Variants in RAB3IP observed in about 807,000 individuals in gnomAD.
The protein encoded by RAB3IP is RAB3A interacting protein.
RAB3IP carries 36 observed loss-of-function variants against 59.1 expected under a neutral mutation model. That is an observed-to-expected ratio of 0.61 (90% CI 0.47 to 0.80). RAB3IP has a LOEUF of 0.80. Ranked by LOEUF, RAB3IP falls within the 30% of genes least tolerant of loss-of-function variation. RAB3IP has a pLI of 0.00. For synonymous variants in RAB3IP, 207 were observed against 191.2 expected (o/e 1.08, Z -0.68); for missense variants, 511 against 536.0 (o/e 0.95, Z 0.46).
At chr12:69,740,742 C>T (rs1005537422) in intron 1 of RAB3IP, among the ~76,000 whole-genome samples, 1 of 152,338 alleles carries the variant, frequency 6.6e-6, no homozygotes, top group Non-Finnish European at 1.5e-5. Flanking sequence ...CCTCCCCCAA[C>T]ACACACATCC....
intron 8 of RAB3IP, 29 bp downstream of exon 8, chr12:69,801,750 A>G (rs1211810446): frequency 7.4e-7 from 1 of 1,358,498 alleles, no homozygotes. Flanking sequence ...GAACTGTGAA[A>G]GTGACTGAGT....
At chr12:69,796,785 C>A in intron 6 of RAB3IP, 1 of 438,082 alleles carries the variant, frequency 2.3e-6, no homozygotes, top group Non-Finnish European at 4.0e-6. Context: ...ATTTTAATTG[C>A]CTGGTACAAC....
intron 6 of RAB3IP, among the ~76,000 whole-genome samples, chr12:69,799,768 T>C (rs896679693): frequency 6.6e-6 from 1 of 152,170 alleles, no homozygotes; most frequent in Non-Finnish European, 1.5e-5. Context: ...CTATAATTAA[T>C]TAGGTTCCAA....
chr12:69,812,919 T>TCAAATGGTCAA, intron 9 of RAB3IP, 42 bp downstream of exon 9: 1 of 1,605,246 alleles, frequency 6.2e-7, no homozygotes, highest in Non-Finnish European at 8.5e-7. Context: ...CTTGCTTTGA[T>TCAAATGGTCAA]ATGGGACATT....
Position 69,805,421 on chromosome 12 carries a change from G to A in RAB3IP, c.1130+3700G>A, listed in dbSNP as rs796736640. Among the ~76,000 whole-genome samples the A allele has an allele frequency of 5.7e-4, 87 of 152,182 alleles. No individual in the cohort carries two copies. In the South Asian group the frequency reaches 0.018, roughly 32 times the overall value. On this transcript the variant is annotated intron_variant, in intron 8 of 10. Coordinates refer to ENST00000247833, the MANE Select transcript of RAB3IP (RefSeq NM_022456.5). Reference sequence around the variant, plus strand: ...GCTGAGACGATGGGGTTTTCTATGTGTACAATCATGTCATCTGCAAATTGG... The same window carrying A: ...GCTGAGACGATGGGGTTTTCTATGTATACAATCATGTCATCTGCAAATTGG...
intron 8 of RAB3IP, among the ~76,000 whole-genome samples, chr12:69,808,861 A>G (rs1296027322): frequency 2.0e-5 from 3 of 152,106 alleles, no homozygotes; most frequent in Admixed American, 1.3e-4. Flanking sequence ...CCAATTTGCC[A>G]GTCTGTGTCT....
intron 8 of RAB3IP, among the ~76,000 whole-genome samples, chr12:69,805,329 T>G (rs1464353328): frequency 6.6e-6 from 1 of 152,134 alleles, no homozygotes; most frequent in Non-Finnish European, 1.5e-5. Flanking sequence ...ATGCTTGTGA[T>G]TTTTGTACAT....
chr12:69,761,554 A>G (rs1211216456), intron 3 of RAB3IP, among the ~76,000 whole-genome samples: 1 of 152,228 alleles, frequency 6.6e-6, no homozygotes, highest in African/African-American at 2.4e-5. Context: ...TGTCTACCCC[A>G]TTCAAGTAAT....
chr12:69,794,782 A>G (rs887042678), intron 5 of RAB3IP, among the ~76,000 whole-genome samples: 1 of 152,206 alleles, frequency 6.6e-6, no homozygotes, highest in African/African-American at 2.4e-5. Context: ...TAATGTTAAT[A>G]CTTAGTTTTT....
rs574897456 is a variant in RAB3IP, at chr12:69,796,445, A to G, written c.888+1101A>G. The G allele has an allele frequency of 3.9e-3, 1,592 of 408,046 alleles. 9 individuals carry two copies. Among genetic ancestry groups the G allele is most frequent in the Middle Eastern group, 0.011 (30 of 2,618 alleles). The allele number at this position is 408,046 out of a possible 1,614,324, so 25.3% of individuals were successfully genotyped here. On this transcript the variant is annotated intron_variant, in intron 6 of 10. Transcript: ENST00000247833. ...AATGCATTTCTAAGAGGATTGATCA[A>G]TAATTTATGAAGCTTTCCCATTTCT...
intron 8 of RAB3IP, among the ~76,000 whole-genome samples, chr12:69,807,775 T>C (rs1309566120): frequency 2.8e-5 from 4 of 145,008 alleles, no homozygotes; most frequent in Admixed American, 2.8e-4. Context: ...GCAGAGGCGC[T>C]CCTCACCTCC....
chr12:69,756,375 T>C (rs758741293), intron 2 of RAB3IP, 30 bp from the exon 3 acceptor site: 11 of 1,607,630 alleles, frequency 6.8e-6, no homozygotes, highest in Non-Finnish European at 9.3e-6. Flanking sequence ...TATGCTGATA[T>C]TTTCTGAAAA....
At chr12:69,806,583 T>G (rs1268631958) in intron 8 of RAB3IP, among the ~76,000 whole-genome samples, 1 of 147,656 alleles carries the variant, frequency 6.8e-6, no homozygotes, top group African/African-American at 2.5e-5. Flanking sequence ...TTTTTTTTTT[T>G]TTTTTTTTTA....
At chr12:69,738,706 G>A (rs1886911078), upstream of RAB3IP, 1 of 152,160 alleles carries the variant, frequency 6.6e-6, no homozygotes, top group Admixed American at 6.5e-5. Context: ...CACCTGCGAC[G>A]AGCCCCGCCT....
At chr12:69,798,317 G>A (rs1877849323) in intron 6 of RAB3IP, among the ~76,000 whole-genome samples, 5 of 152,210 alleles carry the variant, frequency 3.3e-5, no homozygotes, top group South Asian at 2.1e-4. Flanking sequence ...CTGCATAAAT[G>A]TCTTCGTTTG....
chr12:69,798,668 TAA>T (rs1322147218), intron 6 of RAB3IP, among the ~76,000 whole-genome samples: 1 of 152,220 alleles, frequency 6.6e-6, no homozygotes, highest in Non-Finnish European at 1.5e-5. Context: ...GTCTAACATT[TAA>T]GTCTTTAATC....
intron 3 of RAB3IP, among the ~76,000 whole-genome samples, chr12:69,772,368 C>T (rs963590123): frequency 6.6e-6 from 1 of 152,120 alleles, no homozygotes. Context: ...CATTCAGTCA[C>T]TCCGTCTCTT....
chr12:69,790,587 AT>A (rs965744417), intron 4 of RAB3IP, among the ~76,000 whole-genome samples: 56 of 146,938 alleles, frequency 3.8e-4, no homozygotes, highest in East Asian at 7.9e-4. Flanking sequence ...AGCCAAAGTA[AT>A]TTTTTTTTTT....
At chr12:69,803,717 A>G (rs1878764248) in intron 8 of RAB3IP, among the ~76,000 whole-genome samples, 1 of 151,686 alleles carries the variant, frequency 6.6e-6, no homozygotes. Flanking sequence ...CTCATTGTTC[A>G]GTTCCCACCT....
Sources: gnomAD v4.1 joint callset for allele counts (sites outside exome capture counted in the v4.1 genomes callset) on GRCh38, gnomAD v4.1.1 for gene constraint, MANE v1.5 for transcripts, NCBI Gene and HGNC (gene_info 2026-07-23, HGNC 2026-07-21) for gene names.